The following ASIC4 variants were observed in gnomAD, a reference collection of about 807,000 sequenced individuals.
ASIC4 encodes acid sensing ion channel subunit family member 4.
A neutral mutation model predicts 53.4 loss-of-function variants in ASIC4; 28 were observed. That is an observed-to-expected ratio of 0.52 (90% CI 0.39 to 0.72). The LOEUF is 0.72. Among genes scored for constraint, ASIC4 ranks in the 30% least tolerant of loss-of-function variants. ASIC4 has a pLI of 0.00. For missense variants in ASIC4, 649 were observed against 729.7 expected (o/e 0.89, Z 1.27); for synonymous variants, 289 against 301.4 (o/e 0.96, Z 0.43).
chr2:219,511,399 C>A (rs930209170), upstream of ASIC4, among the ~76,000 whole-genome samples: 3 of 151,190 alleles, frequency 2.0e-5, no homozygotes, highest in East Asian at 3.9e-4. This position sits in a 1 kb window ranked among gnomAD's most constrained non-coding sequence, Gnocchi z 5.3. Flanking sequence ...ACTGCCCCCC[C>A]CCCACATTCT....
chr2:219,522,151 C>T (rs572640886), intron 1 of ASIC4, among the ~76,000 whole-genome samples: 7 of 152,138 alleles, frequency 4.6e-5, no homozygotes, highest in Non-Finnish European at 8.8e-5. Context: ...GGAGGGGGAG[C>T]AGTTCCAGAG....
At chr2:219,529,165 C>T (rs183138346) in intron 1 of ASIC4, among the ~76,000 whole-genome samples, 1 of 152,360 alleles carries the variant, frequency 6.6e-6, no homozygotes, top group African/African-American at 2.4e-5. Context: ...TAATAGTACC[C>T]ACCTCACAGG....
At chr2:219,535,388 G>T in intron 6 of ASIC4, 64 bp downstream of exon 6, 1 of 1,480,764 alleles carries the variant, frequency 6.8e-7, no homozygotes, top group South Asian at 1.3e-5. Flanking sequence ...GTGGGGGGTG[G>T]CTGTGTGACT....
Position 219,536,225 on chromosome 2 carries a change from G to A in ASIC4, c.1230-841G>A, listed in dbSNP as rs2105981605. On this transcript the variant is annotated intron_variant, in intron 6 of 9. Transcript: ENST00000358078. This position sits in a 1 kb window ranked among gnomAD's most constrained non-coding sequence, Gnocchi z 4.6. Reference sequence around the variant, plus strand: ...CATTACACATATGCCACATTTCAGAGTGCTTTGCTTATGCATCTTTCTTCC... The same window carrying A: ...CATTACACATATGCCACATTTCAGAATGCTTTGCTTATGCATCTTTCTTCC... Among the ~76,000 whole-genome samples the A allele has an allele frequency of 1.3e-5, 2 of 152,352 alleles. No individual in the cohort carries two copies. Among genetic ancestry groups the A allele is most frequent in the Admixed American group, 1.3e-4 (2 of 15,310 alleles).
chr2:219,511,310 A>T, upstream of ASIC4, among the ~76,000 whole-genome samples: 1 of 151,860 alleles, frequency 6.6e-6, no homozygotes, highest in East Asian at 1.9e-4. The surrounding 1 kb of genome is among the most constrained non-coding windows in gnomAD (Gnocchi z 5.3). Context: ...CTTTGCCCAA[A>T]CAAAATCTCC....
chr2:219,521,742 T>G (rs1694888246), intron 1 of ASIC4, among the ~76,000 whole-genome samples: 1 of 42,186 alleles, frequency 2.4e-5, no homozygotes, highest in East Asian at 3.9e-4. Flanking sequence ...GTTATAAGTA[T>G]TCCTGAGTTA....
In ASIC4 at chr2:219,515,261, C is replaced by T; in HGVS notation, c.537C>T (p.Ser179=). 1 of 1,614,010 alleles carries T rather than the reference C, an allele frequency of 6.2e-7. No homozygotes were observed. The highest frequency in any genetic ancestry group is 8.5e-7 in the Non-Finnish European group (1 of 1,179,906). ...TGHQLADMLK[S]CNFSGHHCSA... ...ACCAGCTCGCCGACATGCTTAAGAGCTGCAACTTCAGTGGGCATCACTGCT... is the reference window on the plus strand; with the variant it reads ...ACCAGCTCGCCGACATGCTTAAGAGTTGCAACTTCAGTGGGCATCACTGCT... Residue 179 remains serine (S), a synonymous_variant, in exon 1 of 10, where the codon AGC becomes AGT. Coordinates refer to ENST00000358078, the MANE Select transcript of ASIC4 (RefSeq NM_018674.6).
chr2:219,509,142 A>G, the ASIC4 span, among the ~76,000 whole-genome samples: 2 of 151,976 alleles, frequency 1.3e-5, no homozygotes, highest in Non-Finnish European at 1.5e-5. This position sits in a 1 kb window ranked among gnomAD's most constrained non-coding sequence, Gnocchi z 5.2. Flanking sequence ...CCAGGCTGCC[A>G]GGGGGCCCAG....
upstream of ASIC4, among the ~76,000 whole-genome samples, chr2:219,511,005 G>GC (rs999557126): frequency 2.6e-5 from 4 of 152,022 alleles, no homozygotes; most frequent in African/African-American, 9.7e-5. The surrounding 1 kb of genome is among the most constrained non-coding windows in gnomAD (Gnocchi z 5.3). Flanking sequence ...CCCAGCCCCA[G>GC]CCCCCCCATC....
At position 219,518,404 on chromosome 2, in the gene ASIC4, G is replaced by C. The variant is rs1372183920; in HGVS notation, c.582+3098G>C. The stretch of plus-strand genomic sequence containing the variant: ...TGGGAGGGCCTAGGGGATGAGGCAG[G>C]CTGGGCAGTTTGGAGAAGAGGGAAG... On this transcript the variant is annotated intron_variant, in intron 1 of 9. Transcript: ENST00000358078. The surrounding 1 kb of genome is among the most constrained non-coding windows in gnomAD (Gnocchi z 4.8). Among the ~76,000 whole-genome samples the C allele has an allele frequency of 1.3e-5, 2 of 152,164 alleles. No individual in the cohort carries two copies. The highest frequency in any genetic ancestry group is 6.5e-5 in the Admixed American group (1 of 15,268).
intron 5 of ASIC4, chr2:219,533,310 G>A (rs542128477): frequency 2.8e-6 from 1 of 363,508 alleles, no homozygotes; most frequent in Admixed American, 3.9e-5. Context: ...AACCCCATCT[G>A]TCCACAGATC....
At chr2:219,510,290 G>A (rs969417867), upstream of ASIC4, among the ~76,000 whole-genome samples, 5 of 149,428 alleles carry the variant, frequency 3.3e-5, no homozygotes, top group African/African-American at 7.5e-5. The surrounding 1 kb of genome is among the most constrained non-coding windows in gnomAD (Gnocchi z 5.2). Flanking sequence ...AGCAGCTTTC[G>A]CTGCTGCAAA....
At position 219,537,198 on chromosome 2, in the gene ASIC4, A is replaced by G. The variant is rs1695153328; in HGVS notation, c.1321+41A>G. ...CTGCCCCCAGCTTGTGTGGGGGTGGATCGGCCCGGCCGCTCCCTCTGACAC... is the reference window on the plus strand; with the variant it reads ...CTGCCCCCAGCTTGTGTGGGGGTGGGTCGGCCCGGCCGCTCCCTCTGACAC... On this transcript the variant is annotated intron_variant, in intron 7 of 9. Transcript: ENST00000358078. This position sits in a 1 kb window ranked among gnomAD's most constrained non-coding sequence, Gnocchi z 4.9. The G allele has an allele frequency of 8.7e-6, 14 of 1,611,812 alleles. No individual in the cohort carries two copies. The highest frequency in any genetic ancestry group is 1.0e-5 in the Non-Finnish European group (12 of 1,178,340).
upstream of ASIC4, among the ~76,000 whole-genome samples, chr2:219,511,400 C>A (rs117416664): frequency 1.2e-4 from 18 of 151,474 alleles, no homozygotes; most frequent in East Asian, 3.9e-4. This position sits in a 1 kb window ranked among gnomAD's most constrained non-coding sequence, Gnocchi z 5.3. Flanking sequence ...CTGCCCCCCC[C>A]CCACATTCTG....
chr2:219,536,946 G>A lies in ASIC4; in HGVS notation c.1230-120G>A, dbSNP rs1019837565. On this transcript the variant is annotated intron_variant, in intron 6 of 9. Transcript: ENST00000358078. This position sits in a 1 kb window ranked among gnomAD's most constrained non-coding sequence, Gnocchi z 4.6. ...CCTCACAGCCTTGGGGAGTCCGGGGGGTAGTCACTGACTTCCCCATGTAGT... is the reference window on the plus strand; with the variant it reads ...CCTCACAGCCTTGGGGAGTCCGGGGAGTAGTCACTGACTTCCCCATGTAGT... 4.9e-6 allele frequency: 4 copies of A among 815,334 alleles called. No homozygotes were observed. The highest frequency in any genetic ancestry group is 7.9e-6 in the Non-Finnish European group (4 of 503,226). The allele number at this position is 815,334 out of a possible 1,614,324, so 50.5% of individuals were successfully genotyped here. A position where few individuals can be genotyped will look rare whatever the true frequency, so the allele number is the denominator to read the frequency against.
At chr2:219,520,438 C>G (rs1372231022) in intron 1 of ASIC4, among the ~76,000 whole-genome samples, 1 of 152,202 alleles carries the variant, frequency 6.6e-6, no homozygotes, top group Non-Finnish European at 1.5e-5. Flanking sequence ...CCAGCGACCT[C>G]CTTAGCTCCT....
chr2:219,526,880 G>C (rs1391964966), intron 1 of ASIC4, among the ~76,000 whole-genome samples: 1 of 152,168 alleles, frequency 6.6e-6, no homozygotes, highest in Non-Finnish European at 1.5e-5. Context: ...AAGGCAGAGA[G>C]AGAGGGAGGG....
At chr2:219,521,776 C>T (rs1380656997) in intron 1 of ASIC4, among the ~76,000 whole-genome samples, 1 of 152,190 alleles carries the variant, frequency 6.6e-6, no homozygotes, top group Non-Finnish European at 1.5e-5. Flanking sequence ...CCCTTCCAGG[C>T]TGGCCCTGCA....
chr2:219,522,435 G>C (rs1441760659), intron 1 of ASIC4, among the ~76,000 whole-genome samples: 4 of 151,078 alleles, frequency 2.6e-5, no homozygotes, highest in Non-Finnish European at 5.9e-5. Context: ...GGGAACCCCT[G>C]GGCGACTGCC....
Sources: gnomAD v4.1 joint callset for allele counts (sites outside exome capture counted in the v4.1 genomes callset) on GRCh38, gnomAD v4.1.1 for gene constraint, Gnocchi (gnomAD v3.1) non-coding constraint, MANE v1.5 for transcripts, NCBI Gene and HGNC (gene_info 2026-07-23, HGNC 2026-07-21) for gene names.